FAF1: variants seen among roughly 807,000 people sequenced by gnomAD.
FAF1 encodes the protein FAS-associated factor 1.
Under a neutral mutation model 92.5 loss-of-function variants are expected in FAF1, and 25 were observed. That is an observed-to-expected ratio of 0.27 (90% CI 0.20 to 0.38). The LOEUF (loss-of-function observed/expected upper bound fraction) is 0.38. Ranked by LOEUF, FAF1 falls within the 10% of genes least tolerant of loss-of-function variation. FAF1 has a pLI of 1.00. For synonymous variants in FAF1, 234 were observed against 273.2 expected, an observed-to-expected ratio of 0.86 and a Z score of 1.42; for missense variants, 636 against 793.3, an observed-to-expected ratio of 0.80 and a Z score of 2.38.
Position 50,819,754 on chromosome 1 carries a change from TATATATATACGTATATATATATAC to T in FAF1, c.115-18101_115-18078del, listed in dbSNP as rs1557543554. On this transcript the variant is annotated intron_variant, in intron 2 of 18. Transcript: ENST00000396153. Reference sequence around the variant, plus strand: ...ACATATATATACATATATATATACATATATATATACGTATATATATATACATATATATACATATATATATATACA... The same window carrying T: ...ACATATATATACATATATATATACATATATATATACATATATATATATACA... 5.4e-3 allele frequency among the ~76,000 whole-genome samples: 260 copies of T among 48,480 alleles called. 18 individuals are homozygous for T. The highest frequency in any genetic ancestry group is 0.019 in the African/African-American group (242 of 12,474). The allele number at this position is 48,480 out of a possible 152,430, so 31.8% of individuals were successfully genotyped here.
At chr1:50,822,732 GT>G (rs896980944) in intron 2 of FAF1, among the ~76,000 whole-genome samples, 2 of 142,410 alleles carry the variant, frequency 1.4e-5, no homozygotes, top group African/African-American at 2.6e-5. Flanking sequence ...AAGGCTAGTA[GT>G]TTTTTTGGTG....
At chr1:50,613,526 C>T (rs1018114378) in intron 8 of FAF1, among the ~76,000 whole-genome samples, 9 of 151,964 alleles carry the variant, frequency 5.9e-5, no homozygotes, top group African/African-American at 1.5e-4. Context: ...TTCAGCTCTA[C>T]GTTGTAAGAC....
intron 3 of FAF1, among the ~76,000 whole-genome samples, chr1:50,794,026 G>GA (rs201378103): frequency 0.013 from 1,995 of 152,246 alleles, 37 homozygotes; most frequent in African/African-American, 0.046. Context: ...TCTCAAATCT[G>GA]AAAAAAACTG....
At position 50,440,928 on chromosome 1, in the gene FAF1, A is replaced by T. The variant is rs1423694635; in HGVS notation, c.*512T>A. 1 of 152,346 alleles carries T rather than the reference A, an allele frequency of 6.6e-6. No individual in the cohort carries two copies. Among genetic ancestry groups the T allele is most frequent in the Non-Finnish European group, 1.5e-5 (1 of 68,118 alleles). 9.4% of individuals were successfully genotyped at this position (152,346 alleles called of 1,614,324 possible). ...ATCAGAAAGTTCTAACAAAAATGGT[A>T]TACTTTTTTCCTACAATGTTTAATC... On this transcript the variant is annotated 3_prime_UTR_variant, in exon 19 of 19. Transcript: ENST00000396153.
Position 50,537,898 on chromosome 1 carries a change from A to G in FAF1, c.1405+1694T>C, listed in dbSNP as rs569360597. Reference sequence around the variant, plus strand: ...GTTCTTTGATAATACACTTAAACTGACAAGTGTAAGTTTTCTTCAAATTAG... The same window carrying G: ...GTTCTTTGATAATACACTTAAACTGGCAAGTGTAAGTTTTCTTCAAATTAG... On this transcript the variant is annotated intron_variant, in intron 14 of 18. Transcript: ENST00000396153. Among the ~76,000 whole-genome samples the G allele has an allele frequency of 1.6e-3, 251 of 152,282 alleles. 2 individuals are homozygous for G. The highest frequency in any genetic ancestry group is 5.6e-3 in the African/African-American group (233 of 41,572).
At chr1:50,864,098 T>C (rs1002784748) in intron 1 of FAF1, among the ~76,000 whole-genome samples, 1 of 151,728 alleles carries the variant, frequency 6.6e-6, no homozygotes, top group Non-Finnish European at 1.5e-5. Context: ...CTCTCTTTTC[T>C]TCTTTATTAG....
intron 2 of FAF1, among the ~76,000 whole-genome samples, chr1:50,811,955 C>G (rs966458518): frequency 2.6e-5 from 4 of 152,066 alleles, no homozygotes; most frequent in Admixed American, 6.6e-5. Context: ...CAAAAATAAG[C>G]AATGGGGAAA....
intron 2 of FAF1, among the ~76,000 whole-genome samples, chr1:50,827,107 G>T (rs1313163720): frequency 2.0e-5 from 3 of 152,098 alleles, no homozygotes; most frequent in Non-Finnish European, 4.4e-5. Context: ...ACCCCATCTG[G>T]GAGGTGTACC....
intron 8 of FAF1, among the ~76,000 whole-genome samples, chr1:50,643,119 C>G (rs940872694): frequency 6.6e-6 from 1 of 152,194 alleles, no homozygotes; most frequent in African/African-American, 2.4e-5. Flanking sequence ...CATGAGCCAC[C>G]ACGCCTGGCC....
chr1:50,510,878 T>C (rs1490462969), intron 15 of FAF1, among the ~76,000 whole-genome samples: 1 of 152,190 alleles, frequency 6.6e-6, no homozygotes, highest in Non-Finnish European at 1.5e-5. Context: ...TTCCAAAGTA[T>C]TGTTATTAGT....
intron 2 of FAF1, among the ~76,000 whole-genome samples, chr1:50,814,966 G>C (rs1643953435): frequency 6.6e-6 from 1 of 152,154 alleles, no homozygotes; most frequent in Admixed American, 6.5e-5. Flanking sequence ...CAAACAATAT[G>C]ACATTTCCTC....
intron 15 of FAF1, among the ~76,000 whole-genome samples, chr1:50,502,634 G>C (rs1149793): frequency 0.99 from 150,488 of 152,298 alleles, 74,352 homozygotes; most frequent in East Asian, 1. Context: ...TGGACTTGCC[G>C]TATATGTCAG....
At chr1:50,460,466 A>G (rs1161415960) in intron 18 of FAF1, among the ~76,000 whole-genome samples, 2 of 152,172 alleles carry the variant, frequency 1.3e-5, no homozygotes, top group African/African-American at 4.8e-5. Context: ...TGTGGAGAAA[A>G]ATATGTGTGT....
At chr1:50,605,704 A>G (rs1652345499) in intron 8 of FAF1, among the ~76,000 whole-genome samples, 1 of 152,226 alleles carries the variant, frequency 6.6e-6, no homozygotes. Context: ...AGGGAAAAGA[A>G]CATATTAAAC....
At chr1:50,776,606 T>C (rs1375010804) in intron 4 of FAF1, among the ~76,000 whole-genome samples, 4 of 151,912 alleles carry the variant, frequency 2.6e-5, no homozygotes, top group African/African-American at 9.7e-5. Flanking sequence ...TTCACTCACA[T>C]GAAACAGACA....
At chr1:50,782,113 T>C (rs554130835) in intron 4 of FAF1, among the ~76,000 whole-genome samples, 1 of 152,340 alleles carries the variant, frequency 6.6e-6, no homozygotes, top group African/African-American at 2.4e-5. Context: ...TGATAATACA[T>C]ATGTTACTGG....
intron 7 of FAF1, among the ~76,000 whole-genome samples, chr1:50,669,398 C>A (rs532341860): frequency 6.6e-6 from 1 of 152,282 alleles, no homozygotes; most frequent in African/African-American, 2.4e-5. Flanking sequence ...TGGAGAGACA[C>A]TGTCATAGAC....
In FAF1 at chr1:50,933,675, G is replaced by A. The variant is rs372469291; in HGVS notation, c.45+26092C>T. 2.0e-4 allele frequency among the ~76,000 whole-genome samples: 30 copies of A among 152,222 alleles called. No individual in the cohort carries two copies. The South Asian group carries it at 4.6e-3, about 23-fold the overall frequency. The stretch of plus-strand genomic sequence containing the variant: ...AATTTTCCAGTACCTTTTCGGCAAC[G>A]CCCCACTGTACTGATATCAATTTAC... On this transcript the variant is annotated intron_variant, in intron 1 of 18. Transcript: ENST00000396153.
chr1:50,835,030 T>C (rs1406775998), intron 2 of FAF1, among the ~76,000 whole-genome samples: 5 of 152,102 alleles, frequency 3.3e-5, no homozygotes, highest in Admixed American at 3.3e-4. Flanking sequence ...GGGCAAGCAG[T>C]TATGACAGAC....
Sources: allele counts gnomAD v4.1 joint callset (sites outside exome capture counted in the v4.1 genomes callset), GRCh38; gene constraint gnomAD v4.1.1; transcripts MANE v1.5; gene names NCBI Gene and HGNC (gene_info 2026-07-23, HGNC 2026-07-21).